Variants in LHFPL6 observed in about 807,000 individuals in gnomAD.
The protein encoded by LHFPL6 is LHFPL tetraspan subfamily member 6, also known as LHFPL tetraspan subfamily member 6 protein.
LHFPL6 carries 9 observed loss-of-function variants against 20.6 expected under a neutral mutation model. That is an observed-to-expected ratio of 0.44 (90% CI 0.26 to 0.76). LHFPL6 has a LOEUF of 0.76. LHFPL6 is among the 30% of genes least tolerant of loss of function. The probability of loss-of-function intolerance (pLI) is 0.20; values close to 1 mark genes in which losing one functional copy is unlikely to be tolerated. For missense variants in LHFPL6, 218 were observed against 253.5 expected, an observed-to-expected ratio of 0.86 and a Z score of 0.95; for synonymous variants, 105 against 98.7, an observed-to-expected ratio of 1.06 and a Z score of -0.38.
intron 2 of LHFPL6, among the ~76,000 whole-genome samples, chr13:39,423,657 G>A (rs1871554559): frequency 6.6e-6 from 1 of 152,136 alleles, no homozygotes; most frequent in African/African-American, 2.4e-5. Flanking sequence ...GTGAGGTGAG[G>A]AAAAGTGATC....
chr13:39,552,998 A>C (rs918467414), intron 2 of LHFPL6, among the ~76,000 whole-genome samples: 6 of 152,178 alleles, frequency 3.9e-5, no homozygotes, highest in African/African-American at 1.4e-4. Context: ...GTAATTCTGA[A>C]TAAAAGAGAA....
At chr13:39,421,839 C>T (rs902395349) in intron 2 of LHFPL6, among the ~76,000 whole-genome samples, 1 of 152,128 alleles carries the variant, frequency 6.6e-6, no homozygotes, top group African/African-American at 2.4e-5. Flanking sequence ...TTTTATATGA[C>T]ATATTTGAAT....
chr13:39,564,728 A>C (rs1179367775), intron 2 of LHFPL6, among the ~76,000 whole-genome samples: 1 of 152,206 alleles, frequency 6.6e-6, no homozygotes, highest in African/African-American at 2.4e-5. Flanking sequence ...TGGAAGAATT[A>C]AGTTTGCTTA....
At chr13:39,427,283 C>G (rs1007772328) in intron 2 of LHFPL6, among the ~76,000 whole-genome samples, 6 of 152,104 alleles carry the variant, frequency 3.9e-5, no homozygotes, top group African/African-American at 1.4e-4. Flanking sequence ...CTTTTCCTTG[C>G]TTTATTCCAG....
intron 2 of LHFPL6, among the ~76,000 whole-genome samples, chr13:39,586,987 T>G (rs4943679): frequency 0.38 from 56,978 of 151,858 alleles, 11,853 homozygotes; most frequent in Non-Finnish European, 0.47. Flanking sequence ...TGAAACCCTG[T>G]CTCTCCTAAA....
At position 39,346,051 on chromosome 13, in the gene LHFPL6, T is replaced by A. The variant is rs116685704; in HGVS notation, c.485-1997A>T. Among the ~76,000 whole-genome samples, 1,041 of 152,324 alleles carry A rather than the reference T, an allele frequency of 6.8e-3. 8 individuals are homozygous for A. The highest frequency in any genetic ancestry group is 0.024 in the African/African-American group (989 of 41,574). On this transcript the variant is annotated intron_variant, in intron 3 of 3. Coordinates refer to ENST00000379589, the MANE Select transcript of LHFPL6 (RefSeq NM_005780.3). ...TTTTACCTTGTTCATTTGTGAAAAATTAATAACTTCCCTGCTGAAAATTTC... is the reference window on the plus strand; with the variant it reads ...TTTTACCTTGTTCATTTGTGAAAAAATAATAACTTCCCTGCTGAAAATTTC...
In LHFPL6 at chr13:39,490,063, G is replaced by A. The variant is rs112234145; in HGVS notation, c.385+110769C>T. Among the ~76,000 whole-genome samples, 37 of 150,358 alleles carry A rather than the reference G, an allele frequency of 2.5e-4. 1 individual carries two copies. Among genetic ancestry groups the A allele is most frequent in the African/African-American group, 8.6e-4 (35 of 40,808 alleles). Reference sequence around the variant, plus strand: ...TTTTGCCTACAGTTGGAAACCTGGAGACAACAAGTAATAACAGATTAAACA... The same window carrying A: ...TTTTGCCTACAGTTGGAAACCTGGAAACAACAAGTAATAACAGATTAAACA... On this transcript the variant is annotated intron_variant, in intron 2 of 3. Transcript: ENST00000379589.
At chr13:39,520,787 C>T (rs1249152197) in intron 2 of LHFPL6, among the ~76,000 whole-genome samples, 1 of 152,348 alleles carries the variant, frequency 6.6e-6, no homozygotes, top group Middle Eastern at 3.4e-3. Context: ...AGAGCAGAGA[C>T]TTTCAACCCT....
rs114985903 is a variant in LHFPL6 at position 39,518,961 on chromosome 13, G to A, written c.385+81871C>T. 4.0e-3 allele frequency among the ~76,000 whole-genome samples: 614 copies of A among 152,354 alleles called. 2 individuals carry two copies. Among genetic ancestry groups the A allele is most frequent in the African/African-American group, 0.014 (590 of 41,584 alleles). Reference sequence around the variant, plus strand: ...TTCAAAACTCAGAGCCCAGGGCTAGGCATGGTGGCTCACACCTGTAATTCC... The same window carrying A: ...TTCAAAACTCAGAGCCCAGGGCTAGACATGGTGGCTCACACCTGTAATTCC... On this transcript the variant is annotated intron_variant, in intron 2 of 3. Coordinates refer to ENST00000379589, the MANE Select transcript of LHFPL6 (RefSeq NM_005780.3).
chr13:39,588,315 C>G (rs1872511568), intron 2 of LHFPL6, among the ~76,000 whole-genome samples: 1 of 152,218 alleles, frequency 6.6e-6, no homozygotes, highest in African/African-American at 2.4e-5. Flanking sequence ...ATTTGACATA[C>G]AGTGGGCACT....
chr13:39,480,652 C>T (rs535392218), intron 2 of LHFPL6, among the ~76,000 whole-genome samples: 12 of 152,172 alleles, frequency 7.9e-5, no homozygotes, highest in African/African-American at 2.9e-4. Flanking sequence ...GTCTAAGAGG[C>T]CACCCTTTTT....
At chr13:39,390,912 G>A (rs922896535) in intron 2 of LHFPL6, among the ~76,000 whole-genome samples, 1 of 152,110 alleles carries the variant, frequency 6.6e-6, no homozygotes, top group Non-Finnish European at 1.5e-5. Flanking sequence ...CAGGGGAATT[G>A]CTTGAATCAG....
At chr13:39,529,680 T>A (rs1870402087) in intron 2 of LHFPL6, among the ~76,000 whole-genome samples, 1 of 152,178 alleles carries the variant, frequency 6.6e-6, no homozygotes, top group African/African-American at 2.4e-5. Context: ...AAATGGGGAA[T>A]CTGGGATTTA....
At chr13:39,424,720 C>A (rs182862942) in intron 2 of LHFPL6, among the ~76,000 whole-genome samples, 1 of 152,148 alleles carries the variant, frequency 6.6e-6, no homozygotes, top group African/African-American at 2.4e-5. Context: ...TTTCAGAGAT[C>A]TGGAATCTCT....
At chr13:39,366,519 T>C (rs1356817771) in intron 3 of LHFPL6, among the ~76,000 whole-genome samples, 1 of 152,196 alleles carries the variant, frequency 6.6e-6, no homozygotes, top group Non-Finnish European at 1.5e-5. Context: ...TCACTGTCTA[T>C]GATGAAGTAT....
rs765446512 is a variant in LHFPL6, at chr13:39,588,100, A to G, written c.385+12732T>C. Among the ~76,000 whole-genome samples, 79 of 152,254 alleles carry G rather than the reference A, an allele frequency of 5.2e-4. 1 individual carries two copies. The highest frequency in any genetic ancestry group is 9.6e-4 in the Non-Finnish European group (65 of 68,028). ...GGTCGGGATGGAAAATGAGTGGCAC[A>G]CAGTGTGTGAGGCTGCTGAGCCCCT... On this transcript the variant is annotated intron_variant, in intron 2 of 3. Coordinates refer to ENST00000379589, the MANE Select transcript of LHFPL6 (RefSeq NM_005780.3).
intron 2 of LHFPL6, among the ~76,000 whole-genome samples, chr13:39,448,136 C>A (rs566517573): frequency 6.6e-6 from 1 of 152,288 alleles, no homozygotes; most frequent in South Asian, 2.1e-4. Context: ...TCAGTGAGAG[C>A]AGATTTGTTG....
chr13:39,507,298 C>T (rs1413136574), intron 2 of LHFPL6, among the ~76,000 whole-genome samples: 2 of 152,190 alleles, frequency 1.3e-5, no homozygotes, highest in Non-Finnish European at 1.5e-5. Context: ...GACCTGTAGA[C>T]CCCAGACAGG....
Position 39,580,962 on chromosome 13 carries a change from T to C in LHFPL6, c.385+19870A>G, listed in dbSNP as rs150170930. Among the ~76,000 whole-genome samples the C allele has an allele frequency of 1.8e-3, 277 of 152,310 alleles. 4 individuals carry two copies. The highest frequency in any genetic ancestry group is 6.8e-3 in the Middle Eastern group (2 of 294). ...ATAAAGGTGGTACTTTAAGACTTGCTAATACAAGAAAAAAGTACTAACACT... is the reference window on the plus strand; with the variant it reads ...ATAAAGGTGGTACTTTAAGACTTGCCAATACAAGAAAAAAGTACTAACACT... On this transcript the variant is annotated intron_variant, in intron 2 of 3. Coordinates refer to ENST00000379589, the MANE Select transcript of LHFPL6 (RefSeq NM_005780.3).
Sources: allele counts gnomAD v4.1 joint callset (sites outside exome capture counted in the v4.1 genomes callset), GRCh38; gene constraint gnomAD v4.1.1; transcripts MANE v1.5; gene names NCBI Gene and HGNC (gene_info 2026-07-23, HGNC 2026-07-21).